DNAH11: variants seen among roughly 807,000 people sequenced by gnomAD.
The protein encoded by DNAH11 is axonemal beta dynein heavy chain 11.
Under a neutral mutation model 526.0 loss-of-function variants are expected in DNAH11, and 442 were observed. The ratio of observed to expected loss-of-function variants is 0.84; its 90% CI spans 0.78 to 0.91. DNAH11 has a LOEUF of 0.91. Among genes scored for constraint, DNAH11 ranks in the 40% least tolerant of loss-of-function variants. The probability of loss-of-function intolerance (pLI) is 0.00; values close to 1 mark genes in which losing one functional copy is unlikely to be tolerated. For missense variants in DNAH11, 6,989 were observed against 5,448.7 expected, an observed-to-expected ratio of 1.28 and a Z score of -8.90; for synonymous variants, 2,461 against 1,935.9, an observed-to-expected ratio of 1.27 and a Z score of -7.12.
chr7:21,559,001 A>AC lies in DNAH11; in HGVS notation c.692+4dup, dbSNP rs1783334012. 1 of 1,564,368 alleles carries AC rather than the reference A, an allele frequency of 6.4e-7. No individual in the cohort carries two copies. Among genetic ancestry groups the AC allele is most frequent in the Non-Finnish European group, 8.7e-7 (1 of 1,153,108 alleles). Reference sequence around the variant, plus strand: ...GATCAGAATTGTTCAGAGAACAAGTACGTAACAGTACAATATATACAGGAT... The same window carrying AC: ...GATCAGAATTGTTCAGAGAACAAGTACCGTAACAGTACAATATATACAGGAT... On this transcript the variant is annotated splice_donor_region_variant and intron_variant, in intron 3 of 81. Coordinates refer to ENST00000409508, the MANE Select transcript of DNAH11 (RefSeq NM_001277115.2).
intron 58 of DNAH11, among the ~76,000 whole-genome samples, chr7:21,784,977 T>G (rs780848996): frequency 2.0e-5 from 3 of 152,186 alleles, no homozygotes; most frequent in Non-Finnish European, 4.4e-5. Context: ...GATACCTAGG[T>G]TTGGTCCCCA....
chr7:21,741,702 A>C lies in DNAH11; in HGVS notation c.7915-225A>C, dbSNP rs148464845. On this transcript the variant is annotated intron_variant, in intron 48 of 81. Transcript: ENST00000409508. ...TATGGCAAAGTCAGAGGCTTAACAAAGTAAGGAGAAATATACACCTCTGAC... is the reference window on the plus strand; with the variant it reads ...TATGGCAAAGTCAGAGGCTTAACAACGTAAGGAGAAATATACACCTCTGAC... Among the ~76,000 whole-genome samples, 8 of 152,288 alleles carry C rather than the reference A, an allele frequency of 5.3e-5. No individual in the cohort carries two copies. In the East Asian group the frequency reaches 1.5e-3, roughly 29 times the overall value.
At chr7:21,882,686 A>G (rs915361900) in intron 75 of DNAH11, among the ~76,000 whole-genome samples, 7 of 152,136 alleles carry the variant, frequency 4.6e-5, no homozygotes, top group Non-Finnish European at 1.0e-4. Flanking sequence ...AGTTCCAGCT[A>G]TTTAGGAGAC....
chr7:21,715,105 T>C (rs761049594), intron 42 of DNAH11, among the ~76,000 whole-genome samples: 2 of 152,244 alleles, frequency 1.3e-5, no homozygotes, highest in Non-Finnish European at 2.9e-5. Context: ...CTAGTCAGCA[T>C]GTACTGCTAA....
intron 25 of DNAH11, among the ~76,000 whole-genome samples, chr7:21,626,029 G>A (rs530542763): frequency 6.6e-6 from 1 of 151,964 alleles, no homozygotes; most frequent in South Asian, 2.1e-4. Flanking sequence ...AGTGTAATTG[G>A]GATGGCCATC....
At chr7:21,630,335 G>C (rs1786547463) in intron 25 of DNAH11, among the ~76,000 whole-genome samples, 1 of 152,132 alleles carries the variant, frequency 6.6e-6, no homozygotes, top group Non-Finnish European at 1.5e-5. Context: ...CATGCCAGGA[G>C]TATGAGTAGA....
chr7:21,743,127 G>A (rs925097512), intron 49 of DNAH11, among the ~76,000 whole-genome samples: 10 of 152,246 alleles, frequency 6.6e-5, no homozygotes, highest in African/African-American at 2.4e-4. Flanking sequence ...GACATGAATT[G>A]TAGGGGCCGT....
intron 64 of DNAH11, among the ~76,000 whole-genome samples, chr7:21,818,012 GA>G (rs1462817261): frequency 6.6e-6 from 1 of 151,952 alleles, no homozygotes; most frequent in Non-Finnish European, 1.5e-5. Context: ...ATTTCACTTC[GA>G]AAATATGACT....
At chr7:21,720,969 C>G in intron 44 of DNAH11, 113 bp downstream of exon 44, 1 of 1,326,366 alleles carries the variant, frequency 7.5e-7, no homozygotes, top group Non-Finnish European at 1.0e-6. Context: ...ATCTATACTG[C>G]TTGCCCTGTT....
chr7:21,804,300 G>A (rs907305410), intron 62 of DNAH11, among the ~76,000 whole-genome samples: 2 of 151,900 alleles, frequency 1.3e-5, no homozygotes, highest in East Asian at 1.9e-4. Context: ...TATTAGAGAC[G>A]GGGTTTCACC....
At chr7:21,716,608 C>T (rs919848343) in intron 42 of DNAH11, among the ~76,000 whole-genome samples, 3 of 152,130 alleles carry the variant, frequency 2.0e-5, no homozygotes, top group African/African-American at 4.8e-5. Context: ...ACAAAGATTC[C>T]ACTTTCCACT....
At chr7:21,605,298 G>A (rs1562694799) in intron 18 of DNAH11, among the ~76,000 whole-genome samples, 3 of 152,164 alleles carry the variant, frequency 2.0e-5, no homozygotes, top group African/African-American at 7.2e-5. Context: ...CATCACTGTG[G>A]GTGGGTTTGT....
intron 27 of DNAH11, among the ~76,000 whole-genome samples, chr7:21,638,381 T>A (rs1786964501): frequency 6.6e-6 from 1 of 152,180 alleles, no homozygotes; most frequent in Admixed American, 6.5e-5. Context: ...AGTTGAGTAA[T>A]GCTCTTTGGG....
chr7:21,561,014 G>A, intron 4 of DNAH11, 57 bp from the exon 5 acceptor site: 1 of 1,163,968 alleles, frequency 8.6e-7, no homozygotes, highest in South Asian at 1.4e-5. Flanking sequence ...CAGAATGCAT[G>A]TATTTAGTAA....
intron 26 of DNAH11, among the ~76,000 whole-genome samples, chr7:21,636,792 C>G (rs1359102453): frequency 1.3e-5 from 2 of 152,112 alleles, no homozygotes; most frequent in African/African-American, 2.4e-5. Context: ...AAACAAACAT[C>G]AGGCCATATT....
chr7:21,759,010 C>A (rs1786766635), intron 54 of DNAH11, among the ~76,000 whole-genome samples: 2 of 152,170 alleles, frequency 1.3e-5, no homozygotes, highest in Non-Finnish European at 2.9e-5. Flanking sequence ...GAAAAATAGG[C>A]ATCTGATTTT....
intron 14 of DNAH11, among the ~76,000 whole-genome samples, chr7:21,594,041 T>A (rs1784783712): frequency 1.5e-5 from 2 of 134,556 alleles, no homozygotes; most frequent in Non-Finnish European, 3.2e-5. Context: ...TTCTCCCTCA[T>A]GCACACTCTT....
intron 20 of DNAH11, among the ~76,000 whole-genome samples, chr7:21,608,098 T>G (rs2128449511): frequency 6.6e-6 from 1 of 151,994 alleles, no homozygotes; most frequent in East Asian, 1.9e-4. Context: ...TTGTGATTCT[T>G]TTGCCCGTAA....
intron 36 of DNAH11, 126 bp downstream of exon 36, chr7:21,698,339 A>G (rs535437590): frequency 1.3e-5 from 18 of 1,348,620 alleles, no homozygotes; most frequent in Non-Finnish European, 1.7e-5. Context: ...ACTTAAAAAA[A>G]TTCAATAGTT....
Sources: gnomAD v4.1 joint callset for allele counts (sites outside exome capture counted in the v4.1 genomes callset) on GRCh38, gnomAD v4.1.1 for gene constraint, MANE v1.5 for transcripts, NCBI Gene and HGNC (gene_info 2026-07-23, HGNC 2026-07-21) for gene names.